GRM7: variants seen among roughly 807,000 people sequenced by gnomAD.
GRM7 encodes the protein glutamate metabotropic receptor 7.
GRM7 carries 35 observed loss-of-function variants against 84.5 expected under a neutral mutation model. The ratio of observed to expected loss-of-function variants is 0.41; its 90% CI spans 0.32 to 0.55. The LOEUF (loss-of-function observed/expected upper bound fraction) is 0.55, where lower values mean the gene tolerates loss of function less well. GRM7 is among the 20% of genes least tolerant of loss of function. GRM7 has a pLI of 0.19. For synonymous variants in GRM7, 487 were observed against 455.1 expected, an observed-to-expected ratio of 1.07 and a Z score of -0.89; for missense variants, 1,003 against 1,194.6, an observed-to-expected ratio of 0.84 and a Z score of 2.36.
chr3:7,651,420 T>C (rs186686004), intron 8 of GRM7, among the ~76,000 whole-genome samples: 1 of 152,188 alleles, frequency 6.6e-6, no homozygotes, highest in African/African-American at 2.4e-5. Flanking sequence ...GAGAATAAGA[T>C]GATTATTTAT....
intron 1 of GRM7, among the ~76,000 whole-genome samples, chr3:7,067,223 G>A (rs1365381668): frequency 6.6e-6 from 1 of 151,936 alleles, no homozygotes; most frequent in African/African-American, 2.4e-5. Context: ...TAAAGGGGAA[G>A]TCAAACTGTC....
rs138047896 is a variant in GRM7, at chr3:7,613,839, G to A, written c.2451+34482G>A. Among the ~76,000 whole-genome samples the A allele has an allele frequency of 7.9e-3, 1,208 of 152,252 alleles. 14 individuals are homozygous for A. Among genetic ancestry groups the A allele is most frequent in the Non-Finnish European group, 0.011 (727 of 68,010 alleles). On this transcript the variant is annotated intron_variant, in intron 8 of 9. Transcript: ENST00000357716. ...TGTATCTTGTAAGTTGTGGTATAGG[G>A]AAACTCTGCGAAAACATTTTTAGTA...
intron 1 of GRM7, among the ~76,000 whole-genome samples, chr3:6,951,955 C>A (rs11914798): frequency 6.6e-6 from 1 of 151,948 alleles, no homozygotes; most frequent in Non-Finnish European, 1.5e-5. Flanking sequence ...TTTTCTTTAT[C>A]CCTGGTAGTA....
At chr3:7,070,031 T>A (rs1697806656) in intron 1 of GRM7, among the ~76,000 whole-genome samples, 1 of 152,098 alleles carries the variant, frequency 6.6e-6, no homozygotes, top group South Asian at 2.1e-4. Context: ...AGCAGATGGA[T>A]GAGGTGGAGG....
chr3:7,515,461 C>T (rs1170397830), intron 7 of GRM7, among the ~76,000 whole-genome samples: 1 of 152,184 alleles, frequency 6.6e-6, no homozygotes, highest in Non-Finnish European at 1.5e-5. Flanking sequence ...GGGCAGAAAT[C>T]ACCCCATTGA....
At chr3:7,632,213 G>A (rs916472380) in intron 8 of GRM7, among the ~76,000 whole-genome samples, 1 of 152,126 alleles carries the variant, frequency 6.6e-6, no homozygotes, top group African/African-American at 2.4e-5. Context: ...TCTTGGGAAG[G>A]CACTGGACAA....
chr3:6,941,972 T>C (rs990846423), intron 1 of GRM7, among the ~76,000 whole-genome samples: 2 of 152,306 alleles, frequency 1.3e-5, no homozygotes, highest in Admixed American at 6.5e-5. Flanking sequence ...ACAATTTCAT[T>C]CAGTCTTGTT....
Position 7,740,388 on chromosome 3 carries a change from T to C in GRM7, c.2730T>C (p.Tyr910=), listed in dbSNP as rs750474710. ...CTGCAAAAAAGAAGTATGTCAGTTATAATAACCTGGTTATCTAACCTGTTC... is the reference window on the plus strand; with the variant it reads ...CTGCAAAAAAGAAGTATGTCAGTTACAATAACCTGGTTATCTAACCTGTTC... ...SPAAKKKYVS[Y]NNLVI The change falls in exon 10 of 10, where the codon TAT becomes TAC. Residue 910 remains tyrosine (Y), a synonymous_variant. Coordinates refer to ENST00000357716, the MANE Select transcript of GRM7 (RefSeq NM_000844.4). The C allele has an allele frequency of 1.3e-6, 2 of 1,586,048 alleles. No individual in the cohort carries two copies. The highest frequency in any genetic ancestry group is 1.7e-6 in the Non-Finnish European group (2 of 1,160,394).
chr3:7,119,475 A>G (rs1693149021), intron 1 of GRM7, among the ~76,000 whole-genome samples: 1 of 152,164 alleles, frequency 6.6e-6, no homozygotes, highest in Non-Finnish European at 1.5e-5. Flanking sequence ...TGTAAACTCT[A>G]CAAAGTGCTT....
intron 2 of GRM7, among the ~76,000 whole-genome samples, chr3:7,147,367 C>T (rs1340240615): frequency 3.3e-5 from 5 of 152,112 alleles, no homozygotes; most frequent in Non-Finnish European, 2.9e-5. Flanking sequence ...ATTCAGGTTT[C>T]CCCATATGGA....
intron 1 of GRM7, among the ~76,000 whole-genome samples, chr3:7,050,693 A>G (rs1428815365): frequency 6.6e-6 from 1 of 151,952 alleles, no homozygotes; most frequent in East Asian, 1.9e-4. Flanking sequence ...AGTTTATTCC[A>G]ATTGACAATA....
intron 1 of GRM7, among the ~76,000 whole-genome samples, chr3:7,059,961 G>A (rs1189790340): frequency 1.3e-5 from 2 of 151,812 alleles, no homozygotes; most frequent in African/African-American, 2.4e-5. Flanking sequence ...CAGCCCAGCT[G>A]GACTGCAGCA....
intron 1 of GRM7, among the ~76,000 whole-genome samples, chr3:7,035,309 A>T (rs1268975415): frequency 6.6e-6 from 1 of 152,156 alleles, no homozygotes; most frequent in East Asian, 1.9e-4. Context: ...TAGGAAAGAG[A>T]ATATTTCAGG....
chr3:7,533,039 A>G (rs1273299048), intron 7 of GRM7, among the ~76,000 whole-genome samples: 2 of 152,128 alleles, frequency 1.3e-5, no homozygotes, highest in Non-Finnish European at 2.9e-5. Context: ...AGACTCCCAC[A>G]CAATAATGGA....
chr3:7,017,669 C>T (rs1471733919), intron 1 of GRM7, among the ~76,000 whole-genome samples: 4 of 152,174 alleles, frequency 2.6e-5, no homozygotes, highest in African/African-American at 9.7e-5. Context: ...TATACTGACA[C>T]CTGGGCCTAA....
At chr3:7,549,744 G>C (rs17047583) in intron 7 of GRM7, among the ~76,000 whole-genome samples, 1 of 152,170 alleles carries the variant, frequency 6.6e-6, no homozygotes, top group Admixed American at 6.5e-5. Flanking sequence ...GTGACAGTGA[G>C]GCCAGAAGAT....
intron 7 of GRM7, among the ~76,000 whole-genome samples, chr3:7,509,758 G>C (rs1258827422): frequency 1.3e-5 from 2 of 152,002 alleles, no homozygotes; most frequent in Non-Finnish European, 2.9e-5. Flanking sequence ...TGACAAGCGG[G>C]GCCAAGGCTT....
chr3:7,557,781 G>C (rs1389135299), intron 7 of GRM7, among the ~76,000 whole-genome samples: 3 of 152,058 alleles, frequency 2.0e-5, no homozygotes, highest in Non-Finnish European at 4.4e-5. Flanking sequence ...CTGAATGGAG[G>C]CACGAAAATG....
At chr3:7,056,357 G>GCCCC (rs1487150844) in intron 1 of GRM7, among the ~76,000 whole-genome samples, 21 of 151,980 alleles carry the variant, frequency 1.4e-4, no homozygotes, top group Non-Finnish European at 2.9e-4. Context: ...GTGCCTTTTA[G>GCCCC]GTTTACTTTC....
Sources: allele counts gnomAD v4.1 joint callset (sites outside exome capture counted in the v4.1 genomes callset), GRCh38; gene constraint gnomAD v4.1.1; transcripts MANE v1.5; gene names NCBI Gene and HGNC (gene_info 2026-07-23, HGNC 2026-07-21).